PARD3: variants seen among roughly 807,000 people sequenced by gnomAD.
PARD3 encodes par-3 family cell polarity regulator.
In PARD3, 75 loss-of-function variants were observed where a neutral mutation model predicts 155.4. The ratio of observed to expected loss-of-function variants is 0.48; its 90% CI spans 0.40 to 0.58. PARD3 has a LOEUF of 0.58. Ranked by LOEUF, PARD3 falls within the 20% of genes least tolerant of loss-of-function variation. The pLI is 0.00. For synonymous variants in PARD3, 576 were observed against 610.5 expected, an observed-to-expected ratio of 0.94 and a Z score of 0.83; for missense variants, 1,642 against 1,721.7, an observed-to-expected ratio of 0.95 and a Z score of 0.82.
intron 1 of PARD3, among the ~76,000 whole-genome samples, chr10:34,752,430 A>G (rs1402250399): frequency 6.6e-6 from 1 of 152,124 alleles, no homozygotes; most frequent in Non-Finnish European, 1.5e-5. Flanking sequence ...GGCATTATGC[A>G]CTGACTACTG....
chr10:34,260,329 C>T (rs1954891177), intron 22 of PARD3, among the ~76,000 whole-genome samples: 4 of 152,110 alleles, frequency 2.6e-5, no homozygotes, highest in South Asian at 4.1e-4. Context: ...CATGGAAGTT[C>T]CAGTAGAAAG....
At chr10:34,667,100 G>A (rs917640734) in intron 2 of PARD3, among the ~76,000 whole-genome samples, 7 of 152,078 alleles carry the variant, frequency 4.6e-5, no homozygotes, top group Non-Finnish European at 7.4e-5. Context: ...CACGGGAGGC[G>A]GAGGTTGCAG....
intron 22 of PARD3, among the ~76,000 whole-genome samples, chr10:34,141,635 AG>A (rs1948194468): frequency 6.6e-6 from 1 of 152,160 alleles, no homozygotes; most frequent in African/African-American, 2.4e-5. Flanking sequence ...ACAAAACCTC[AG>A]GAATGTACCC....
chr10:34,121,441 T>C (rs577916311), intron 23 of PARD3, among the ~76,000 whole-genome samples: 2 of 152,320 alleles, frequency 1.3e-5, no homozygotes, highest in East Asian at 3.9e-4. Context: ...GAATGTCTGT[T>C]TGAAACAAGT....
At chr10:34,465,878 G>T (rs1005494901) in intron 4 of PARD3, among the ~76,000 whole-genome samples, 1 of 152,014 alleles carries the variant, frequency 6.6e-6, no homozygotes, top group Non-Finnish European at 1.5e-5. Context: ...TTTCTTGATG[G>T]GATAAATCAC....
intron 23 of PARD3, among the ~76,000 whole-genome samples, chr10:34,125,375 A>G (rs1947230995): frequency 6.6e-6 from 1 of 152,084 alleles, no homozygotes. Context: ...CTCCAGGTCT[A>G]TTTCTATGCG....
At chr10:34,781,000 C>T (rs1006434793) in intron 1 of PARD3, among the ~76,000 whole-genome samples, 1 of 152,190 alleles carries the variant, frequency 6.6e-6, no homozygotes, top group Admixed American at 6.5e-5. Flanking sequence ...GATGCATTTC[C>T]GCTTACTTTG....
In PARD3 at chr10:34,737,646, C is replaced by A. The variant is rs574986355; in HGVS notation, c.121-41227G>T. On this transcript the variant is annotated intron_variant, in intron 1 of 24. Coordinates refer to ENST00000374788, the MANE Select transcript of PARD3 (RefSeq NM_001184785.2). ...ATTAGCCTTAGAAAAGGGCCCTCGG[C>A]TCCCCCACCACGTGAGTGCTCAGCT... 1.7e-3 allele frequency among the ~76,000 whole-genome samples: 260 copies of A among 152,042 alleles called. 1 individual carries two copies. Among genetic ancestry groups the A allele is most frequent in the Non-Finnish European group, 3.2e-3 (219 of 67,994 alleles).
chr10:34,183,289 G>T lies in PARD3; in HGVS notation c.3420-51706C>A, dbSNP rs140808528. Among the ~76,000 whole-genome samples, 664 of 152,270 alleles carry T rather than the reference G, an allele frequency of 4.4e-3. 3 individuals carry two copies. Among genetic ancestry groups the T allele is most frequent in the African/African-American group, 0.014 (590 of 41,564 alleles). ...GTCGCCCAGACTGGAGTGCAGCGGG[G>T]TGATCACAGCTCACCACAGCCTCCA... On this transcript the variant is annotated intron_variant, in intron 22 of 24. Coordinates refer to ENST00000374788, the MANE Select transcript of PARD3 (RefSeq NM_001184785.2).
At chr10:34,368,927 C>T (rs188746258) in intron 12 of PARD3, among the ~76,000 whole-genome samples, 1 of 149,426 alleles carries the variant, frequency 6.7e-6, no homozygotes, top group East Asian at 2.0e-4. Flanking sequence ...TTCTTTATTA[C>T]TTGTTTATTT....
intron 1 of PARD3, among the ~76,000 whole-genome samples, chr10:34,786,464 G>A (rs888695961): frequency 1.3e-5 from 2 of 152,188 alleles, no homozygotes; most frequent in African/African-American, 4.8e-5. Flanking sequence ...GGCCCCATAA[G>A]AGAAATAACA....
intron 5 of PARD3, among the ~76,000 whole-genome samples, chr10:34,409,823 C>T (rs1411162897): frequency 6.6e-6 from 1 of 152,064 alleles, no homozygotes; most frequent in Non-Finnish European, 1.5e-5. Context: ...GTATATGATA[C>T]AAATGTGAAA....
chr10:34,405,199 T>C (rs928957519), intron 5 of PARD3, among the ~76,000 whole-genome samples: 3 of 151,934 alleles, frequency 2.0e-5, no homozygotes, highest in African/African-American at 7.3e-5. Flanking sequence ...GCCTGACACA[T>C]AGTACTTACC....
At chr10:34,764,097 C>T (rs372565504) in intron 1 of PARD3, among the ~76,000 whole-genome samples, 2 of 152,288 alleles carry the variant, frequency 1.3e-5, no homozygotes, top group South Asian at 4.1e-4. Flanking sequence ...GGTGCATCAC[C>T]GTCCTGCATG....
intron 20 of PARD3, among the ~76,000 whole-genome samples, chr10:34,310,782 A>G (rs548005942): frequency 1.1e-4 from 16 of 152,248 alleles, no homozygotes; most frequent in Non-Finnish European, 2.2e-4. Flanking sequence ...TCAAATTAAT[A>G]GAAGCATACA....
At chr10:34,326,024 G>A (rs543914641) in intron 19 of PARD3, among the ~76,000 whole-genome samples, 1 of 151,856 alleles carries the variant, frequency 6.6e-6, no homozygotes, top group East Asian at 1.9e-4. Context: ...GGGAGGCTGA[G>A]GTAGGAGAAT....
rs752273688 is a variant in PARD3 at position 34,470,139 on chromosome 10, T to C, written c.528A>G (p.Thr176=). The C allele has an allele frequency of 6.2e-6, 10 of 1,613,496 alleles. No individual in the cohort carries two copies. The highest frequency in any genetic ancestry group is 8.5e-6 in the Non-Finnish European group (10 of 1,179,760). ...CAGTGTTCTGCTTGAGGAAGCCAGC[T>C]GTTGTTGACCAGCGTGTGGGATTTT... is the stretch of plus-strand genomic sequence containing the variant. ...SRKNPTRWST[T]AGFLKQNTAG... Residue 176 remains threonine (T), a synonymous_variant, in exon 4 of 25, where the codon ACA becomes ACG. Coordinates refer to ENST00000374788, the MANE Select transcript of PARD3 (RefSeq NM_001184785.2).
rs1017413036 is a variant in PARD3 at position 34,331,546 on chromosome 10, T to C, written c.2606-202A>G. 5.9e-5 allele frequency among the ~76,000 whole-genome samples: 9 copies of C among 152,318 alleles called. No homozygotes were observed. In the East Asian group the frequency reaches 1.3e-3, roughly 23 times the overall value. The stretch of plus-strand genomic sequence containing the variant: ...CAAACTTATATTAGATTTGGTCTAT[T>C]TTCTCTCTTTGCATTAGGAAAAACT... On this transcript the variant is annotated intron_variant, in intron 18 of 24. Transcript: ENST00000374788.
intron 1 of PARD3, among the ~76,000 whole-genome samples, chr10:34,793,236 G>T (rs1243802434): frequency 1.3e-5 from 2 of 152,196 alleles, no homozygotes; most frequent in African/African-American, 4.8e-5. Flanking sequence ...AGAGGGAAAA[G>T]GAGGGGCAGA....
Sources: gnomAD v4.1 joint callset for allele counts (sites outside exome capture counted in the v4.1 genomes callset) on GRCh38, gnomAD v4.1.1 for gene constraint, MANE v1.5 for transcripts, NCBI Gene and HGNC (gene_info 2026-07-23, HGNC 2026-07-21) for gene names.